Variants in RIN2 observed in about 807,000 individuals in gnomAD.
RIN2 encodes Ras and Rab interactor 2.
Under a neutral mutation model 78.0 loss-of-function variants are expected in RIN2, and 36 were observed. The observed-to-expected ratio is 0.46, with a 90% CI of 0.35 to 0.61. RIN2 has a LOEUF of 0.61. RIN2 is among the 20% of genes least tolerant of loss of function. The pLI, the probability that RIN2 is intolerant of heterozygous loss-of-function variation, is 0.00. For synonymous variants in RIN2, 466 were observed against 466.8 expected, an observed-to-expected ratio of 1.00 and a Z score of 0.02; for missense variants, 1,087 against 1,159.7, an observed-to-expected ratio of 0.94 and a Z score of 0.91.
chr20:19,866,139 C>A (rs989564462), intron 2 of RIN2, among the ~76,000 whole-genome samples: 2 of 151,816 alleles, frequency 1.3e-5, no homozygotes, highest in African/African-American at 4.8e-5. Context: ...GGAGACAGAT[C>A]ATCAGGCATT....
At chr20:19,987,531 C>G (rs963328879) in intron 9 of RIN2, among the ~76,000 whole-genome samples, 2 of 152,092 alleles carry the variant, frequency 1.3e-5, no homozygotes, top group African/African-American at 2.4e-5. Flanking sequence ...CCTCAGTTTC[C>G]CCATCTGTTA....
intron 3 of RIN2, among the ~76,000 whole-genome samples, chr20:19,893,576 G>A (rs1291295863): frequency 1.3e-5 from 2 of 152,142 alleles, no homozygotes; most frequent in Non-Finnish European, 2.9e-5. Flanking sequence ...AGATAGGCTG[G>A]AGGACATGAG....
At chr20:19,832,399 C>A (rs528227770) in intron 2 of RIN2, among the ~76,000 whole-genome samples, 1 of 149,550 alleles carries the variant, frequency 6.7e-6, no homozygotes, top group Non-Finnish European at 1.5e-5. Context: ...CCTAGACTGC[C>A]TCCCTCTTGC....
chr20:19,804,806 C>CT (rs1420520260), intron 2 of RIN2, among the ~76,000 whole-genome samples: 3 of 152,136 alleles, frequency 2.0e-5, no homozygotes, highest in Non-Finnish European at 4.4e-5. Flanking sequence ...TGGTAGAACT[C>CT]AGCGGTAAAT....
At chr20:19,764,928 T>TTTTTTGTTTTG (rs1555813296) in intron 1 of RIN2, among the ~76,000 whole-genome samples, 1 of 130,644 alleles carries the variant, frequency 7.7e-6, no homozygotes, top group Admixed American at 8.0e-5. Flanking sequence ...GTTTTTTTTT[T>TTTTTTGTTTTG]TTTTTTTTTT....
chr20:19,947,501 T>G (rs2041143437), intron 4 of RIN2, among the ~76,000 whole-genome samples: 1 of 152,244 alleles, frequency 6.6e-6, no homozygotes, highest in South Asian at 2.1e-4. Flanking sequence ...AAACCATAAT[T>G]TAGTCAGAGT....
At chr20:19,902,435 T>G (rs1441569496) in intron 3 of RIN2, among the ~76,000 whole-genome samples, 1 of 152,200 alleles carries the variant, frequency 6.6e-6, no homozygotes, top group African/African-American at 2.4e-5. Context: ...TGTCCTTTGC[T>G]GGCCACCCAC....
chr20:19,819,963 A>ACAAATG (rs1336978590), intron 2 of RIN2, among the ~76,000 whole-genome samples: 2 of 152,246 alleles, frequency 1.3e-5, no homozygotes, highest in Non-Finnish European at 2.9e-5. Flanking sequence ...TCAAAGTCAC[A>ACAAATG]CAAATGCAAA....
intron 3 of RIN2, chr20:19,934,453 A>G: frequency 1.0e-6 from 1 of 984,984 alleles, no homozygotes; most frequent in Non-Finnish European, 1.2e-6. Context: ...GGGATCTGAG[A>G]TGGGGCCGCC....
At chr20:19,842,115 G>T (rs181955154) in intron 2 of RIN2, among the ~76,000 whole-genome samples, 208 of 152,310 alleles carry the variant, frequency 1.4e-3, no homozygotes, top group African/African-American at 4.8e-3. Context: ...AAATCCTAGA[G>T]CCCTTCATAA....
At chr20:19,797,483 C>G (rs1037634265) in intron 1 of RIN2, among the ~76,000 whole-genome samples, 2 of 152,142 alleles carry the variant, frequency 1.3e-5, no homozygotes, top group East Asian at 3.8e-4. Flanking sequence ...TTATTTAATA[C>G]CATAATATAA....
chr20:19,964,221 A>T (rs1466821548), intron 6 of RIN2, among the ~76,000 whole-genome samples: 1 of 151,644 alleles, frequency 6.6e-6, no homozygotes, highest in South Asian at 2.1e-4. Context: ...GGAGGGGGGA[A>T]CAACACTCCA....
intron 2 of RIN2, among the ~76,000 whole-genome samples, chr20:19,804,352 A>AT (rs200394415): frequency 0.014 from 2,121 of 152,224 alleles, 18 homozygotes; most frequent in Non-Finnish European, 0.022. Context: ...AATGGCTCTT[A>AT]TTATTTTGAA....
At chr20:19,798,415 A>AG (rs543094352) in intron 1 of RIN2, among the ~76,000 whole-genome samples, 6 of 151,922 alleles carry the variant, frequency 3.9e-5, no homozygotes, top group African/African-American at 1.5e-4. Context: ...CGAGATTTCC[A>AG]GGGGAGGAGA....
intron 2 of RIN2, among the ~76,000 whole-genome samples, chr20:19,812,951 T>C (rs1216819334): frequency 6.6e-6 from 1 of 152,222 alleles, no homozygotes; most frequent in African/African-American, 2.4e-5. Context: ...GCATTGTCCC[T>C]TTGGGTCTGA....
At chr20:19,906,993 A>G (rs983471408) in intron 3 of RIN2, among the ~76,000 whole-genome samples, 3 of 152,108 alleles carry the variant, frequency 2.0e-5, no homozygotes, top group African/African-American at 7.2e-5. Flanking sequence ...ATATGCTACA[A>G]CTCTGGAGGC....
intron 2 of RIN2, among the ~76,000 whole-genome samples, chr20:19,843,748 G>A (rs1054168421): frequency 1.3e-5 from 2 of 152,070 alleles, no homozygotes; most frequent in East Asian, 3.9e-4. Flanking sequence ...ACCAGCATGC[G>A]CGAATATCAA....
chr20:19,954,386 T>G (rs913915646), intron 4 of RIN2, among the ~76,000 whole-genome samples: 17 of 152,342 alleles, frequency 1.1e-4, no homozygotes, highest in Non-Finnish European at 1.9e-4. Context: ...TGGTCAGGTC[T>G]GGTGTCCCTT....
intron 2 of RIN2, among the ~76,000 whole-genome samples, chr20:19,804,966 G>A (rs1462319748): frequency 6.6e-6 from 1 of 152,058 alleles, no homozygotes; most frequent in African/African-American, 2.4e-5. Flanking sequence ...GTTCAGTCTT[G>A]GGAGGGTCTT....
Sources: allele counts gnomAD v4.1 joint callset (sites outside exome capture counted in the v4.1 genomes callset), GRCh38; gene constraint gnomAD v4.1.1; transcripts MANE v1.5; gene names NCBI Gene and HGNC (gene_info 2026-07-23, HGNC 2026-07-21).